Variants in ST3GAL3 observed in about 807,000 individuals in gnomAD.
The protein encoded by ST3GAL3 is ST3 beta-galactoside alpha-2,3-sialyltransferase 3, also known as CMP-N-acetylneuraminate-beta-1,4-galactoside alpha-2,3-sialyltransferase.
ST3GAL3 carries 21 observed loss-of-function variants against 50.1 expected under a neutral mutation model. That is an observed-to-expected ratio of 0.42 (90% CI 0.30 to 0.60). The LOEUF (loss-of-function observed/expected upper bound fraction) is 0.60. Ranked by LOEUF, ST3GAL3 falls within the 20% of genes least tolerant of loss-of-function variation. The probability of loss-of-function intolerance (pLI) is 0.19; values close to 1 mark genes in which losing one functional copy is unlikely to be tolerated. For synonymous variants in ST3GAL3, 183 were observed against 190.0 expected, an observed-to-expected ratio of 0.96 and a Z score of 0.30; for missense variants, 353 against 489.4, an observed-to-expected ratio of 0.72 and a Z score of 2.63.
At chr1:43,920,743 C>T (rs777303998) in intron 10 of ST3GAL3, 39 bp from the exon 11 acceptor site, 6 of 1,614,136 alleles carry the variant, frequency 3.7e-6, no homozygotes, top group Non-Finnish European at 5.1e-6. Flanking sequence ...TCCAGCTGAA[C>T]TCTGCATGCC....
At chr1:43,914,456 G>A (rs1381386502) in intron 9 of ST3GAL3, 1 of 152,148 alleles carries the variant, frequency 6.6e-6, no homozygotes, top group Non-Finnish European at 1.5e-5. Flanking sequence ...GAACTGCAGC[G>A]ATGATACAAA....
chr1:43,793,357 A>G (rs1406160403), intron 3 of ST3GAL3, among the ~76,000 whole-genome samples: 1 of 152,174 alleles, frequency 6.6e-6, no homozygotes, highest in East Asian at 1.9e-4. Context: ...TGAAGCATTT[A>G]CGGTTTATTT....
At chr1:43,790,051 G>A (rs2057853867) in intron 2 of ST3GAL3, among the ~76,000 whole-genome samples, 1 of 152,130 alleles carries the variant, frequency 6.6e-6, no homozygotes, top group South Asian at 2.1e-4. Context: ...TTAACTGGCA[G>A]TACAGAGTAC....
chr1:43,898,651 CA>C (rs1348634930), intron 7 of ST3GAL3, among the ~76,000 whole-genome samples: 17 of 152,136 alleles, frequency 1.1e-4, no homozygotes, highest in Admixed American at 1.1e-3. Flanking sequence ...TGACAGCTCC[CA>C]AACCAACAGA....
In ST3GAL3 at chr1:43,737,517, TA is replaced by T. The variant is rs1679027268; in HGVS notation, c.118+1139del. 6.6e-6 allele frequency: 1 copy of T among 152,262 alleles called. No individual in the cohort carries two copies. Among genetic ancestry groups the T allele is most frequent in the South Asian group, 2.1e-4 (1 of 4,836 alleles). The allele number at this position is 152,262 out of a possible 1,614,324, so 9.4% of individuals were successfully genotyped here. On this transcript the variant is annotated intron_variant, in intron 2 of 11. Coordinates refer to ENST00000347631, the MANE Select transcript of ST3GAL3 (RefSeq NM_006279.5). This position sits in a 1 kb window ranked among gnomAD's most constrained non-coding sequence, Gnocchi z 4.0. ...AATTTACTGTTTTATATAGAATATT[TA>T]AGTGCCTTTTAAATGCTTAGCTTAT...
intron 11 of ST3GAL3, among the ~76,000 whole-genome samples, chr1:43,924,374 T>G (rs1331160585): frequency 1.3e-5 from 2 of 152,262 alleles, no homozygotes. Flanking sequence ...CTACGTTTAC[T>G]TATATCTTTG....
chr1:43,862,511 C>T (rs1283086204), intron 5 of ST3GAL3, among the ~76,000 whole-genome samples: 5 of 152,176 alleles, frequency 3.3e-5, no homozygotes, highest in Admixed American at 6.5e-5. Context: ...ATGGAAGCGG[C>T]GGGTCCTACT....
rs187192691 is a variant in ST3GAL3 at position 43,927,067 on chromosome 1, C to T, written c.1039-3065C>T. On this transcript the variant is annotated intron_variant, in intron 11 of 11. Coordinates refer to ENST00000347631, the MANE Select transcript of ST3GAL3 (RefSeq NM_006279.5). ...CATTCAGGCCGGGCGTGGTGGCTCA[C>T]GCCTGTAATCTCAGCACTTTGGGAG... is the stretch of plus-strand genomic sequence containing the variant. Among the ~76,000 whole-genome samples, 105 of 152,278 alleles carry T rather than the reference C, an allele frequency of 6.9e-4. 2 individuals carry two copies. The highest frequency in any genetic ancestry group is 2.4e-3 in the African/African-American group (100 of 41,544).
At chr1:43,835,416 A>G (rs1222938903) in intron 4 of ST3GAL3, among the ~76,000 whole-genome samples, 2 of 152,142 alleles carry the variant, frequency 1.3e-5, no homozygotes, top group African/African-American at 4.8e-5. Flanking sequence ...TAATAACTTG[A>G]CATGACCCAC....
Position 43,715,255 on chromosome 1 carries a change from CACTG to C in ST3GAL3, c.-31+7564_-31+7567del, listed in dbSNP as rs574861951. On this transcript the variant is annotated intron_variant, in intron 1 of 11. Transcript: ENST00000347631. ...TGTCGATATTTAATGTTTTAAAAAT[CACTG>C]AGTACAAAAAAAAAATGATAAAAAA... Among the ~76,000 whole-genome samples, 10 of 151,832 alleles carry C rather than the reference CACTG, an allele frequency of 6.6e-5. No homozygotes were observed. The East Asian group carries it at 1.9e-3, about 29-fold the overall frequency.
intron 2 of ST3GAL3, among the ~76,000 whole-genome samples, chr1:43,788,385 T>C (rs1278930725): frequency 6.6e-6 from 1 of 152,216 alleles, no homozygotes; most frequent in Non-Finnish European, 1.5e-5. Context: ...GGCAGTCAGC[T>C]CCTCAGAATT....
chr1:43,721,993 G>A (rs1670720129), intron 1 of ST3GAL3, among the ~76,000 whole-genome samples: 1 of 152,090 alleles, frequency 6.6e-6, no homozygotes. Flanking sequence ...ATAAAATGGT[G>A]AACAAAATAG....
chr1:43,880,954 A>G (rs1570559975), intron 5 of ST3GAL3, among the ~76,000 whole-genome samples: 1 of 151,748 alleles, frequency 6.6e-6, no homozygotes, highest in Non-Finnish European at 1.5e-5. Flanking sequence ...GTATTTCATA[A>G]CTGCCTCTCT....
At chr1:43,822,508 C>G (rs2062236428) in intron 4 of ST3GAL3, among the ~76,000 whole-genome samples, 1 of 152,176 alleles carries the variant, frequency 6.6e-6, no homozygotes, top group Admixed American at 6.5e-5. Flanking sequence ...TGAAAGCAAA[C>G]AACTCTTAAC....
At position 43,930,224 on chromosome 1, in the gene ST3GAL3, GGGCCCAGCACATGGCCATAGA is replaced by G. The variant is rs777069866; in HGVS notation, c.*11_*31del. ...CTGATCTAAGCAGTGGCATCTGAGT[GGGCCCAGCACATGGCCATAGA>G]GGCCCAGGCACCACCAGGAGCAGCA... On this transcript the variant is annotated 3_prime_UTR_variant, in exon 12 of 12. Coordinates refer to ENST00000347631, the MANE Select transcript of ST3GAL3 (RefSeq NM_006279.5). 52 of 1,613,168 alleles carry G rather than the reference GGGCCCAGCACATGGCCATAGA, an allele frequency of 3.2e-5. No individual in the cohort carries two copies. The highest frequency in any genetic ancestry group is 4.1e-5 in the Non-Finnish European group (48 of 1,179,918).
At chr1:43,838,473 C>T in intron 5 of ST3GAL3, 162 bp downstream of exon 5, 1 of 688,328 alleles carries the variant, frequency 1.5e-6, no homozygotes, top group South Asian at 1.5e-5. Context: ...CAGTCCTACT[C>T]CATGCCGTTG....
chr1:43,930,360 A>G lies in ST3GAL3; in HGVS notation c.*139A>G. ...AGCAAGGCCTTGGTGGAGCAGCCAGAGCTGTGCCTGCTCAGCAGCCAGTCT... is the reference window on the plus strand; with the variant it reads ...AGCAAGGCCTTGGTGGAGCAGCCAGGGCTGTGCCTGCTCAGCAGCCAGTCT... On this transcript the variant is annotated 3_prime_UTR_variant, in exon 12 of 12. Coordinates refer to ENST00000347631, the MANE Select transcript of ST3GAL3 (RefSeq NM_006279.5). 1.2e-6 allele frequency: 1 copy of G among 802,082 alleles called. No homozygotes were observed. The highest frequency in any genetic ancestry group is 2.1e-6 in the Non-Finnish European group (1 of 467,174). 49.7% of individuals were successfully genotyped at this position (802,082 alleles called of 1,614,324 possible). A position where few individuals can be genotyped will look rare whatever the true frequency, so the allele number is the denominator to read the frequency against.
chr1:43,865,223 T>G (rs2071040650), intron 5 of ST3GAL3, among the ~76,000 whole-genome samples: 1 of 152,094 alleles, frequency 6.6e-6, no homozygotes, highest in Non-Finnish European at 1.5e-5. Flanking sequence ...TTTCACCATG[T>G]TAGCCAGGAT....
chr1:43,848,114 C>T (rs892437100), intron 5 of ST3GAL3, among the ~76,000 whole-genome samples: 5 of 152,100 alleles, frequency 3.3e-5, no homozygotes, highest in Admixed American at 3.3e-4. Context: ...CCACCCCTCC[C>T]CCACTACCTT....
Sources: gnomAD v4.1 joint callset for allele counts (sites outside exome capture counted in the v4.1 genomes callset) on GRCh38, gnomAD v4.1.1 for gene constraint, Gnocchi (gnomAD v3.1) non-coding constraint, MANE v1.5 for transcripts, NCBI Gene and HGNC (gene_info 2026-07-23, HGNC 2026-07-21) for gene names.